The following NCKAP5 variants were observed in gnomAD, a reference collection of about 807,000 sequenced individuals.
NCKAP5 encodes NCK associated protein 5.
A neutral mutation model predicts 167.0 loss-of-function variants in NCKAP5; 92 were observed. The ratio of observed to expected loss-of-function variants is 0.55; its 90% CI spans 0.47 to 0.66. The LOEUF is 0.66. NCKAP5 is among the 30% of genes least tolerant of loss of function. The pLI is 0.00. For missense variants in NCKAP5, 2,378 were observed against 2,315.0 expected (o/e 1.03, Z -0.56); for synonymous variants, 891 against 877.4 (o/e 1.02, Z -0.27).
the NCKAP5 span, among the ~76,000 whole-genome samples, chr2:133,576,154 A>C: frequency 1.3e-5 from 2 of 152,344 alleles, no homozygotes; most frequent in East Asian, 3.9e-4. Context: ...AGGAAGTGGG[A>C]AGGCAAGGCT....
chr2:133,145,117 T>C (rs2083140366), intron 5 of NCKAP5, among the ~76,000 whole-genome samples: 1 of 152,110 alleles, frequency 6.6e-6, no homozygotes, highest in Non-Finnish European at 1.5e-5. Flanking sequence ...AATAAAATTT[T>C]AATTTTATTA....
At chr2:132,843,104 C>T (rs528226023) in intron 11 of NCKAP5, among the ~76,000 whole-genome samples, 1 of 152,044 alleles carries the variant, frequency 6.6e-6, no homozygotes, top group South Asian at 2.1e-4. Context: ...CTAGGGTTTC[C>T]TATGGAGCTA....
chr2:133,549,346 T>C (rs1379499829), intron 2 of NCKAP5, among the ~76,000 whole-genome samples: 1 of 150,508 alleles, frequency 6.6e-6, no homozygotes, highest in African/African-American at 2.5e-5. Flanking sequence ...TAGTTGGAAG[T>C]AAAGCTCTCC....
intron 3 of NCKAP5, among the ~76,000 whole-genome samples, chr2:133,400,220 C>T (rs1449474396): frequency 3.3e-5 from 5 of 152,032 alleles, no homozygotes; most frequent in Non-Finnish European, 1.5e-5. Flanking sequence ...CCCATTGTCA[C>T]CCAGAGCAAC....
chr2:132,834,401 G>A (rs112172044), intron 11 of NCKAP5, among the ~76,000 whole-genome samples: 288 of 152,260 alleles, frequency 1.9e-3, no homozygotes, highest in Middle Eastern at 6.8e-3. Context: ...CTGGAGAGCA[G>A]TGGCGCGATC....
chr2:133,482,032 T>G (rs1680494886), intron 3 of NCKAP5, among the ~76,000 whole-genome samples: 1 of 152,084 alleles, frequency 6.6e-6, no homozygotes, highest in Non-Finnish European at 1.5e-5. Flanking sequence ...ACTCTTTACC[T>G]CCTTATGTTC....
intron 19 of NCKAP5, among the ~76,000 whole-genome samples, chr2:132,674,095 A>G (rs1234734134): frequency 1.3e-5 from 2 of 152,234 alleles, no homozygotes; most frequent in African/African-American, 4.8e-5. Flanking sequence ...AGGGAGGCAC[A>G]CTTGCGAAAA....
At chr2:133,313,715 A>G (rs1361525264) in intron 3 of NCKAP5, among the ~76,000 whole-genome samples, 5 of 152,172 alleles carry the variant, frequency 3.3e-5, no homozygotes, top group Non-Finnish European at 5.9e-5. Context: ...AGTCAGTAAC[A>G]TGTCATTTGT....
chr2:132,753,371 T>C (rs893130513), intron 16 of NCKAP5, among the ~76,000 whole-genome samples: 8 of 152,210 alleles, frequency 5.3e-5, no homozygotes, highest in African/African-American at 1.7e-4. Context: ...GAAATGAATC[T>C]GGTGTTTCAA....
chr2:132,851,347 T>G (rs1000573223), intron 11 of NCKAP5, among the ~76,000 whole-genome samples: 1 of 152,196 alleles, frequency 6.6e-6, no homozygotes, highest in Admixed American at 6.5e-5. Flanking sequence ...GGCCCAACTG[T>G]TCTAGTGCAG....
At chr2:132,884,057 C>T (rs1230538465) in intron 8 of NCKAP5, among the ~76,000 whole-genome samples, 2 of 152,168 alleles carry the variant, frequency 1.3e-5, no homozygotes, top group African/African-American at 4.8e-5. Flanking sequence ...TCCAGAACTC[C>T]TCAAACACTG....
chr2:133,182,371 C>T (rs544039600), intron 5 of NCKAP5, among the ~76,000 whole-genome samples: 19 of 152,248 alleles, frequency 1.2e-4, no homozygotes, highest in African/African-American at 4.6e-4. Context: ...CCAAGATAGA[C>T]CATATCCTGA....
chr2:133,182,189 A>G (rs1303928884), intron 5 of NCKAP5, among the ~76,000 whole-genome samples: 1 of 152,228 alleles, frequency 6.6e-6, no homozygotes, highest in Non-Finnish European at 1.5e-5. Context: ...CCAACAACTG[A>G]TAGACCAACT....
At position 132,878,876 on chromosome 2, in the gene NCKAP5, C is replaced by G. The variant is rs748546671; in HGVS notation, c.620G>C (p.Arg207Thr). ...ATCAAGACATCGCTCATATTGTTCC[C>G]TTTGATTTTCATTCTCCAAAGCCAA... Reference protein sequence around the residue: ...SALALENENQREQYERCLDEV... With the variant: ...SALALENENQTEQYERCLDEV... The change falls in exon 9 of 20, where the codon AGG becomes ACG. Residue 207 changes from arginine (R) to threonine (T), a missense_variant. Physicochemically the swap from Arg to Thr is moderately conservative, Grantham distance 71. Coordinates refer to ENST00000409261, the MANE Select transcript of NCKAP5 (RefSeq NM_207363.3). The G allele has an allele frequency of 5.6e-6, 9 of 1,613,826 alleles. No individual in the cohort carries two copies. Among genetic ancestry groups the G allele is most frequent in the Non-Finnish European group, 7.6e-6 (9 of 1,179,732 alleles).
Position 132,694,103 on chromosome 2 carries a change from TTTTATTTATTTA to T in NCKAP5, c.5714-20810_5714-20799del, listed in dbSNP as rs140401537. On this transcript the variant is annotated intron_variant, in intron 19 of 19. Coordinates refer to ENST00000409261, the MANE Select transcript of NCKAP5 (RefSeq NM_207363.3). Reference sequence around the variant, plus strand: ...GGAAAAGGAAGACAAGTTTTAAGTGTTTTATTTATTTATTTATTTATTTATTTATTTATTTTT... The same window carrying T: ...GGAAAAGGAAGACAAGTTTTAAGTGTTTTATTTATTTATTTATTTATTTTT... 1.6e-3 allele frequency among the ~76,000 whole-genome samples: 236 copies of T among 147,042 alleles called. 1 individual carries two copies. The highest frequency in any genetic ancestry group is 5.3e-3 in the African/African-American group (211 of 40,168).
At chr2:132,769,763 C>A (rs944627140) in intron 16 of NCKAP5, among the ~76,000 whole-genome samples, 3 of 152,206 alleles carry the variant, frequency 2.0e-5, no homozygotes, top group African/African-American at 7.2e-5. Context: ...TGATTCATTT[C>A]TCATCAATGT....
chr2:133,282,042 C>T (rs1019834714), intron 4 of NCKAP5, among the ~76,000 whole-genome samples: 4 of 152,070 alleles, frequency 2.6e-5, no homozygotes. Context: ...AGGAAGAGGG[C>T]TGGATATATT....
chr2:132,803,280 C>T (rs1216000375), intron 11 of NCKAP5, among the ~76,000 whole-genome samples: 1 of 152,196 alleles, frequency 6.6e-6, no homozygotes, highest in Non-Finnish European at 1.5e-5. Context: ...AAGCCATCTG[C>T]AACAGTCCTT....
At chr2:133,219,389 T>C (rs1332531191) in intron 4 of NCKAP5, among the ~76,000 whole-genome samples, 1 of 152,192 alleles carries the variant, frequency 6.6e-6, no homozygotes, top group African/African-American at 2.4e-5. Context: ...TTGGGGACCA[T>C]GCTCCGTAAT....
Sources: gnomAD v4.1 joint callset for allele counts (sites outside exome capture counted in the v4.1 genomes callset) on GRCh38, gnomAD v4.1.1 for gene constraint, MANE v1.5 for transcripts, NCBI Gene and HGNC (gene_info 2026-07-23, HGNC 2026-07-21) for gene names.